Variants in ZMYM2 observed in about 807,000 individuals in gnomAD.
The protein encoded by ZMYM2 is zinc finger MYM-type containing 2.
Under a neutral mutation model 162.8 loss-of-function variants are expected in ZMYM2, and 56 were observed. The observed-to-expected ratio is 0.34, with a 90% CI of 0.28 to 0.43. The LOEUF (loss-of-function observed/expected upper bound fraction) is 0.43, where lower values mean the gene tolerates loss of function less well. Among genes scored for constraint, ZMYM2 ranks in the 20% least tolerant of loss-of-function variants. The probability of loss-of-function intolerance (pLI) is 1.00; values close to 1 mark genes in which losing one functional copy is unlikely to be tolerated. For missense variants in ZMYM2, 1,275 were observed against 1,621.8 expected (o/e 0.79, Z 3.67); for synonymous variants, 510 against 541.6 (o/e 0.94, Z 0.81).
In ZMYM2 at chr13:20,004,889, G is replaced by A. The variant is rs1392315095; in HGVS notation, c.1134-185G>A. Among the ~76,000 whole-genome samples the A allele has an allele frequency of 2.0e-5, 3 of 152,038 alleles. No homozygotes were observed. In the East Asian group the frequency reaches 5.8e-4, roughly 29 times the overall value. ...AGATTTAATAGTATAAAATATTTTT[G>A]CTTCTCAAAAGTCTTTATTTCCAAA... is the stretch of plus-strand genomic sequence containing the variant. On this transcript the variant is annotated intron_variant, in intron 4 of 24. Transcript: ENST00000610343.
intron 17 of ZMYM2, among the ~76,000 whole-genome samples, chr13:20,062,601 G>A (rs1956312715): frequency 6.6e-6 from 1 of 152,160 alleles, no homozygotes; most frequent in African/African-American, 2.4e-5. Context: ...ATTAGCTTTT[G>A]AAGGGAGTCC....
chr13:19,993,015 T>C (rs1949746125), intron 2 of ZMYM2, 48 bp from the exon 3 acceptor site: 2 of 1,519,650 alleles, frequency 1.3e-6, no homozygotes, highest in Non-Finnish European at 1.8e-6. Context: ...TAGAGTAACA[T>C]AAAAAGTCAT....
intron 12 of ZMYM2, among the ~76,000 whole-genome samples, chr13:20,044,963 T>G (rs1954621128): frequency 7.0e-6 from 1 of 143,770 alleles, no homozygotes; most frequent in South Asian, 2.2e-4. Flanking sequence ...GGCAGGAAAA[T>G]CACTTGAACC....
chr13:20,058,590 C>G lies in ZMYM2; in HGVS notation c.2509C>G (p.Pro837Ala), dbSNP rs758248307. 3.1e-6 allele frequency: 5 copies of G among 1,613,626 alleles called. No individual in the cohort carries two copies. Among genetic ancestry groups the G allele is most frequent in the Admixed American group, 1.7e-5 (1 of 59,996 alleles). Residue 837 changes from proline (P) to alanine (A), a missense_variant, in exon 15 of 25, where the codon CCT (proline) becomes GCT (alanine). By Grantham distance (27) the Pro-to-Ala change is conservative. This residue lies in a region of ZMYM2 where 177 missense variants were observed against 228.0 expected (regional missense o/e 0.78). Coordinates refer to ENST00000610343, the MANE Select transcript of ZMYM2 (RefSeq NM_197968.4). The stretch of plus-strand genomic sequence containing the variant: ...TTCTCCATAGGGTTCAGCACCACCC[C>G]CTTCTCCAACACCTAACAAAGAGAT... Reference protein sequence around the residue: ...RTKMTGSAPPPSPTPNKEMKN... With the variant: ...RTKMTGSAPPASPTPNKEMKN...
At chr13:19,926,821 C>T in the ZMYM2 span, among the ~76,000 whole-genome samples, 1 of 152,190 alleles carries the variant, frequency 6.6e-6, no homozygotes, top group African/African-American at 2.4e-5. Flanking sequence ...GCACACATCA[C>T]TACGCCTGGC....
chr13:20,036,725 T>TA lies in ZMYM2; in HGVS notation c.2120-11dup. The TA allele has an allele frequency of 4.0e-6, 6 of 1,504,044 alleles. No homozygotes were observed. Among genetic ancestry groups the TA allele is most frequent in the Non-Finnish European group, 5.3e-6 (6 of 1,127,930 alleles). 93.2% of individuals were successfully genotyped at this position (1,504,044 alleles called of 1,614,324 possible). ...TTTTTTTGTTTTAATATATAAATCTTATATTTTTCAGGCTGCAAATTATTA... is the reference window on the plus strand; with the variant it reads ...TTTTTTTGTTTTAATATATAAATCTTAATATTTTTCAGGCTGCAAATTATTA... On this transcript the variant is annotated splice_polypyrimidine_tract_variant and intron_variant, in intron 11 of 24. Coordinates refer to ENST00000610343, the MANE Select transcript of ZMYM2 (RefSeq NM_197968.4).
At chr13:19,933,677 C>T in the ZMYM2 span, among the ~76,000 whole-genome samples, 1 of 152,120 alleles carries the variant, frequency 6.6e-6, no homozygotes, top group Non-Finnish European at 1.5e-5. Flanking sequence ...TCAGATGATC[C>T]TATGTAGAAT....
chr13:20,076,889 T>G (rs1389203068), intron 21 of ZMYM2, among the ~76,000 whole-genome samples: 1 of 150,236 alleles, frequency 6.7e-6, no homozygotes, highest in Non-Finnish European at 1.5e-5. Flanking sequence ...CAGGCTGGAG[T>G]GCAGTGGTGC....
In ZMYM2 at chr13:20,036,959, G is replaced by A. The variant is rs763089751; in HGVS notation, c.2292+50G>A. 44 of 1,480,060 alleles carry A rather than the reference G, an allele frequency of 3.0e-5. No homozygotes were observed. In the East Asian group the frequency reaches 5.6e-4, roughly 19 times the overall value. The allele number at this position is 1,480,060 out of a possible 1,614,324, so 91.7% of individuals were successfully genotyped here. On this transcript the variant is annotated intron_variant, in intron 12 of 24. Transcript: ENST00000610343. ...GCTACTTTAACCAGTCTTAAAAAAC[G>A]TTGTAGCTGTTACCATTACAAATCT... is the stretch of plus-strand genomic sequence containing the variant.
At chr13:20,068,985 A>G (rs1050577769) in intron 21 of ZMYM2, among the ~76,000 whole-genome samples, 1 of 152,090 alleles carries the variant, frequency 6.6e-6, no homozygotes, top group African/African-American at 2.4e-5. Context: ...AAATCAATAA[A>G]AACAACAAAA....
At chr13:20,081,961 A>T in intron 21 of ZMYM2, 55 bp from the exon 22 acceptor site, 1 of 1,131,634 alleles carries the variant, frequency 8.8e-7, no homozygotes, top group Non-Finnish European at 1.2e-6. Context: ...TATGTTTACT[A>T]TAATTAGCTG....
chr13:19,925,534 G>A, the ZMYM2 span, among the ~76,000 whole-genome samples: 1 of 152,164 alleles, frequency 6.6e-6, no homozygotes, highest in African/African-American at 2.4e-5. Context: ...TGTATTTGAA[G>A]TACTTTTTGT....
the ZMYM2 span, among the ~76,000 whole-genome samples, chr13:19,917,058 G>A: frequency 0.021 from 3,141 of 152,102 alleles, 58 homozygotes; most frequent in Non-Finnish European, 0.033. Context: ...TGCCTCCCGG[G>A]TTCACGCCAT....
At chr13:19,959,526 C>G (rs1291036702) in intron 1 of ZMYM2, among the ~76,000 whole-genome samples, 1 of 152,140 alleles carries the variant, frequency 6.6e-6, no homozygotes, top group Non-Finnish European at 1.5e-5. Flanking sequence ...CCCAGGGCAA[C>G]TGCTTGGGGC....
rs1414996286 is a variant in ZMYM2, at chr13:20,026,896, AATT to A, written c.1735+138_1735+140del. On this transcript the variant is annotated intron_variant, in intron 8 of 24. Transcript: ENST00000610343. ...TATTAATCTTTTTGAAAACTGTTCT[AATT>A]ATTTTGATTATTCTGTACTACTTTT... The A allele has an allele frequency of 4.5e-5, 47 of 1,038,342 alleles. No homozygotes were observed. In the Middle Eastern group the frequency reaches 1.6e-3, roughly 36 times the overall value. 64.3% of individuals were successfully genotyped at this position (1,038,342 alleles called of 1,614,324 possible).
chr13:19,991,623 T>A (rs1441567373), intron 2 of ZMYM2, among the ~76,000 whole-genome samples: 1 of 60,972 alleles, frequency 1.6e-5, no homozygotes, highest in East Asian at 5.4e-4. Flanking sequence ...CTTTTCTTTT[T>A]CTTTTTTTTT....
At chr13:19,910,791 C>A in the ZMYM2 span, among the ~76,000 whole-genome samples, 1 of 152,102 alleles carries the variant, frequency 6.6e-6, no homozygotes, top group South Asian at 2.1e-4. Flanking sequence ...AATAGTTGAA[C>A]CCCAGGGTGG....
chr13:20,083,004 G>GTCT lies in ZMYM2; in HGVS notation c.3795_3797dup (p.Ser1266dup). 6.2e-7 allele frequency: 1 copy of GTCT among 1,613,438 alleles called. No homozygotes were observed. Among genetic ancestry groups the GTCT allele is most frequent in the Non-Finnish European group, 8.5e-7 (1 of 1,179,556 alleles). ...ACAAAGCGTGTCTTCGATACCAAGT[G>GTCT]TCTTCCTTGTGTGGAACAGATAATG... On this transcript the variant is annotated inframe_insertion, in exon 23 of 25. Coordinates refer to ENST00000610343, the MANE Select transcript of ZMYM2 (RefSeq NM_197968.4).
chr13:20,022,273 A>G (rs1007765604), intron 7 of ZMYM2, among the ~76,000 whole-genome samples: 4 of 152,134 alleles, frequency 2.6e-5, no homozygotes, highest in Non-Finnish European at 5.9e-5. Context: ...CATTTTGAAT[A>G]CCACTTTGGA....
Sources: allele counts gnomAD v4.1 joint callset (sites outside exome capture counted in the v4.1 genomes callset), GRCh38; gene constraint gnomAD v4.1.1; regional missense constraint gnomAD v4.1.1; transcripts MANE v1.5; gene names NCBI Gene and HGNC (gene_info 2026-07-23, HGNC 2026-07-21).